Variants in CREBRF observed in about 807,000 individuals in gnomAD.
CREBRF encodes CREB3 regulatory factor, also known as UPF0474 protein C5orf41.
CREBRF carries 5 observed loss-of-function variants against 66.1 expected under a neutral mutation model. The ratio of observed to expected loss-of-function variants is 0.08; its 90% confidence interval spans 0.04 to 0.16. The LOEUF (loss-of-function observed/expected upper bound fraction) is 0.16. Ranked by LOEUF, CREBRF falls within the 10% of genes least tolerant of loss-of-function variation. The pLI, the probability that CREBRF is intolerant of heterozygous loss-of-function variation, is 1.00. For missense variants in CREBRF, 531 were observed against 744.9 expected, an observed-to-expected ratio of 0.71 and a Z score of 3.34; for synonymous variants, 229 against 264.4, an observed-to-expected ratio of 0.87 and a Z score of 1.30.
chr5:173,127,778 G>C (rs576475951), intron 8 of CREBRF, among the ~76,000 whole-genome samples: 2 of 152,050 alleles, frequency 1.3e-5, no homozygotes, highest in African/African-American at 2.4e-5. Flanking sequence ...TTTCTTAAAG[G>C]TAATTTCTCT....
intron 7 of CREBRF, among the ~76,000 whole-genome samples, chr5:173,115,255 G>A (rs1581038222): frequency 6.6e-6 from 1 of 151,988 alleles, no homozygotes; most frequent in Admixed American, 6.6e-5. Flanking sequence ...TTACAGGCAT[G>A]CACCACTACT....
At chr5:173,070,539 A>G (rs1333618358) in intron 1 of CREBRF, among the ~76,000 whole-genome samples, 1 of 152,136 alleles carries the variant, frequency 6.6e-6, no homozygotes, top group Non-Finnish European at 1.5e-5. Flanking sequence ...ACAATATAAC[A>G]TGCATCGGTC....
intron 4 of CREBRF, among the ~76,000 whole-genome samples, chr5:173,104,330 T>G (rs147221073): frequency 4.0e-5 from 6 of 151,320 alleles, no homozygotes; most frequent in African/African-American, 1.2e-4. Context: ...TCAAGACCAG[T>G]GATCTTGGGG....
At chr5:173,097,473 G>A (rs1474665464) in intron 4 of CREBRF, among the ~76,000 whole-genome samples, 1 of 152,154 alleles carries the variant, frequency 6.6e-6, no homozygotes, top group Non-Finnish European at 1.5e-5. Context: ...TGGAACTCCT[G>A]ACCTCAGTTG....
At chr5:173,089,661 TAA>T (rs60450166) in intron 3 of CREBRF, among the ~76,000 whole-genome samples, 54 of 136,144 alleles carry the variant, frequency 4.0e-4, no homozygotes, top group African/African-American at 4.5e-4. Flanking sequence ...GTCTCTACTT[TAA>T]AAAAAAAAAA....
chr5:173,090,210 T>G lies in CREBRF; in HGVS notation c.136-105T>G. On this transcript the variant is annotated intron_variant, in intron 3 of 8. Coordinates refer to ENST00000296953, the MANE Select transcript of CREBRF (RefSeq NM_153607.3). The surrounding 1 kb of genome is among the most constrained non-coding windows in gnomAD (Gnocchi z 4.5). Reference sequence around the variant, plus strand: ...AGCGTCCTGTCAGTAGCCTTTATGTTAAAACAGACCAAAAGTCAAGTATTG... The same window carrying G: ...AGCGTCCTGTCAGTAGCCTTTATGTGAAAACAGACCAAAAGTCAAGTATTG... 1.1e-6 allele frequency: 1 copy of G among 906,752 alleles called. No individual in the cohort carries two copies. Among genetic ancestry groups the G allele is most frequent in the South Asian group, 2.1e-5 (1 of 46,860 alleles). 56.2% of individuals were successfully genotyped at this position (906,752 alleles called of 1,614,324 possible).
chr5:173,076,857 C>T (rs1484250783), intron 1 of CREBRF, among the ~76,000 whole-genome samples: 1 of 150,676 alleles, frequency 6.6e-6, no homozygotes, highest in Non-Finnish European at 1.5e-5. Flanking sequence ...CCTCTGGTCA[C>T]ATGAAAGAAA....
At chr5:173,109,482 A>T (rs1376511680) in intron 5 of CREBRF, 1 of 150,770 alleles carries the variant, frequency 6.6e-6, no homozygotes, top group Non-Finnish European at 1.5e-5. Flanking sequence ...TCTCTAAAAA[A>T]ATTTTAAAAA....
intron 4 of CREBRF, among the ~76,000 whole-genome samples, chr5:173,095,697 A>G (rs1164870494): frequency 6.6e-6 from 1 of 152,088 alleles, no homozygotes; most frequent in Non-Finnish European, 1.5e-5. Context: ...TAATTCTTCC[A>G]ATCCATAAAC....
At chr5:173,082,907 TCAAAAAAAAAAAAAAAAA>T (rs1758002349) in intron 2 of CREBRF, among the ~76,000 whole-genome samples, 1 of 24,056 alleles carries the variant, frequency 4.2e-5, no homozygotes, top group Admixed American at 9.4e-4. Context: ...AGACTCTGTC[TCAAAAAAAAAAAAAAAAA>T]AAAAAAAAAA....
chr5:173,073,165 G>C (rs559572031), intron 1 of CREBRF, among the ~76,000 whole-genome samples: 2 of 152,330 alleles, frequency 1.3e-5, no homozygotes, highest in South Asian at 4.1e-4. Context: ...AATGATCTCT[G>C]AGGCCCAAAG....
chr5:173,081,403 C>T (rs1005714395), intron 2 of CREBRF, among the ~76,000 whole-genome samples: 9 of 152,248 alleles, frequency 5.9e-5, no homozygotes, highest in Admixed American at 3.9e-4. Flanking sequence ...TATCTAAACT[C>T]CTCCTTTTCT....
At chr5:173,130,982 C>T (rs3095847) in intron 8 of CREBRF, among the ~76,000 whole-genome samples, 58,753 of 151,970 alleles carry the variant, frequency 0.39, 12,115 homozygotes, top group Non-Finnish European at 0.45. Flanking sequence ...GCTGGGATTA[C>T]GGGCATGAGC....
At position 173,135,176 on chromosome 5, in the gene CREBRF, TCAA is replaced by T. The variant is rs1199881933; in HGVS notation, c.*1434_*1436del. On this transcript the variant is annotated 3_prime_UTR_variant, in exon 9 of 9. Transcript: ENST00000296953. ...ATTGTGCATGTAATATTTTCAAAGA[TCAA>T]CACAGGCTAAAACAAAAACAATTTA... 1.3e-5 allele frequency: 2 copies of T among 152,508 alleles called. No individual in the cohort carries two copies. Among genetic ancestry groups the T allele is most frequent in the Non-Finnish European group, 2.9e-5 (2 of 67,946 alleles). The allele number at this position is 152,508 out of a possible 1,614,324, so 9.4% of individuals were successfully genotyped here. A position where few individuals can be genotyped will look rare whatever the true frequency, so the allele number is the denominator to read the frequency against.
At chr5:173,063,429 G>T (rs771986646) in intron 1 of CREBRF, among the ~76,000 whole-genome samples, 1 of 152,032 alleles carries the variant, frequency 6.6e-6, no homozygotes, top group African/African-American at 2.4e-5. Flanking sequence ...GTGCAGTGGC[G>T]CCATCTCGGC....
chr5:173,077,809 A>T (rs995492383), intron 1 of CREBRF, among the ~76,000 whole-genome samples: 2 of 152,178 alleles, frequency 1.3e-5, no homozygotes, highest in Non-Finnish European at 2.9e-5. Context: ...CACCTCATAA[A>T]GCCTAATCAT....
intron 1 of CREBRF, among the ~76,000 whole-genome samples, chr5:173,062,518 A>T (rs1310059868): frequency 3.3e-5 from 5 of 152,078 alleles, no homozygotes; most frequent in Non-Finnish European, 5.9e-5. Flanking sequence ...TATTTTGATG[A>T]TGTTTAAAAA....
chr5:173,120,686 T>C (rs112784137), intron 7 of CREBRF, among the ~76,000 whole-genome samples: 2,744 of 40,022 alleles, frequency 0.069, 77 homozygotes, highest in African/African-American at 0.17. Flanking sequence ...TGAGCCTCTT[T>C]TTTTTTTTTT....
intron 4 of CREBRF, among the ~76,000 whole-genome samples, chr5:173,103,975 G>A (rs987156033): frequency 6.6e-6 from 1 of 152,134 alleles, no homozygotes; most frequent in Non-Finnish European, 1.5e-5. Flanking sequence ...AAAAGGGAAA[G>A]GCCTTAATAG....
Sources: gnomAD v4.1 joint callset for allele counts (sites outside exome capture counted in the v4.1 genomes callset) on GRCh38, gnomAD v4.1.1 for gene constraint, Gnocchi (gnomAD v3.1) non-coding constraint, MANE v1.5 for transcripts, NCBI Gene and HGNC (gene_info 2026-07-23, HGNC 2026-07-21) for gene names.